CD33: variants seen among roughly 807,000 people sequenced by gnomAD.
CD33 encodes the protein CD33 molecule.
CD33 carries 25 observed loss-of-function variants against 31.4 expected under a neutral mutation model. The observed-to-expected ratio is 0.80, with a 90% CI of 0.58 to 1.11. CD33 has a LOEUF of 1.11. Among genes scored for constraint, CD33 ranks in the 50% most tolerant of loss-of-function variants. The pLI is 0.00. For missense variants in CD33, 407 were observed against 448.1 expected (o/e 0.91, Z 0.83); for synonymous variants, 176 against 180.6 (o/e 0.97, Z 0.20).
At chr19:51,225,719 G>T (rs1980957001) in intron 2 of CD33, 84 bp from the exon 3 acceptor site, 2 of 1,542,990 alleles carry the variant, frequency 1.3e-6, no homozygotes, top group Non-Finnish European at 1.8e-6. Context: ...CTTAGCGGGG[G>T]AGCTTGACCA....
At chr19:51,220,225 T>C (rs930673714), upstream of CD33, among the ~76,000 whole-genome samples, 1 of 152,246 alleles carries the variant, frequency 6.6e-6, no homozygotes, top group Non-Finnish European at 1.5e-5. Context: ...TTCTTCCTGA[T>C]TCAATCTTGG....
chr19:51,234,037 AT>A (rs141034398), intron 4 of CD33, among the ~76,000 whole-genome samples: 3,562 of 150,872 alleles, frequency 0.024, 148 homozygotes, highest in African/African-American at 0.078. Context: ...CAATGGGGGC[AT>A]TTTTTTTTAA....
chr19:51,227,340 T>C (rs1981108010), intron 4 of CD33, among the ~76,000 whole-genome samples: 1 of 152,206 alleles, frequency 6.6e-6, no homozygotes, highest in Admixed American at 6.5e-5. Context: ...TGGTCAAAAG[T>C]ATATAAGAGT....
In CD33 at chr19:51,225,209, TC is replaced by T. The variant is rs772608591; in HGVS notation, c.38-5del. The T allele has an allele frequency of 3.1e-6, 5 of 1,613,074 alleles. No homozygotes were observed. Among genetic ancestry groups the T allele is most frequent in the Non-Finnish European group, 3.4e-6 (4 of 1,179,450 alleles). ...GGGCTGGGCCGAGCTGACCCTCGTT[TC>T]CCCACAGGGGCCCTGGCTATGGATC... is the stretch of plus-strand genomic sequence containing the variant. On this transcript the variant is annotated splice_region_variant and splice_polypyrimidine_tract_variant and intron_variant, in intron 1 of 6. Coordinates refer to ENST00000262262, the MANE Select transcript of CD33 (RefSeq NM_001772.4).
At chr19:51,219,820 A>G in the CD33 span, among the ~76,000 whole-genome samples, 1 of 152,180 alleles carries the variant, frequency 6.6e-6, no homozygotes, top group African/African-American at 2.4e-5. Context: ...AATGTGATGA[A>G]TCACATTTAT....
rs1315616154 is a variant in CD33, at chr19:51,225,123, C to G, written c.5C>G (p.Pro2Arg). 5.0e-6 allele frequency: 8 copies of G among 1,613,978 alleles called. No homozygotes were observed. The African/African-American group carries it at 5.3e-5, about 11-fold the overall frequency. M[P>R]LLLLLPLLWA... ...CTGGAAGCTGCTTCCTCAGACATGC[C>G]GCTGCTGCTACTGCTGCCCCTGCTG... The change falls in exon 1 of 7, where the codon CCG (proline) becomes CGG (arginine). Residue 2 changes from proline to arginine, a missense_variant. By Grantham distance (103) the Pro-to-Arg change is moderately radical. Transcript: ENST00000262262.
chr19:51,233,251 T>G (rs1408264123), intron 4 of CD33, among the ~76,000 whole-genome samples: 2 of 152,228 alleles, frequency 1.3e-5, no homozygotes, highest in Non-Finnish European at 2.9e-5. Flanking sequence ...CAACTCTTTG[T>G]TGGCTCAGAG....
the CD33 span, chr19:51,211,226 CA>C: frequency 6.4e-7 from 1 of 1,569,106 alleles, no homozygotes; most frequent in Non-Finnish European, 8.6e-7. Context: ...GCTATGGATC[CA>C]AAAATCCGGC....
chr19:51,212,653 C>G, the CD33 span, among the ~76,000 whole-genome samples: 1 of 152,174 alleles, frequency 6.6e-6, no homozygotes, highest in South Asian at 2.1e-4. Flanking sequence ...CGCCTCCTGC[C>G]TCCTCTTTCT....
chr19:51,238,364 G>A (rs1371528106), intron 6 of CD33: 1 of 152,214 alleles, frequency 6.6e-6, no homozygotes, highest in East Asian at 1.9e-4. Flanking sequence ...GAGACACAGA[G>A]GTTGGGAGCT....
At chr19:51,217,042 A>C in the CD33 span, among the ~76,000 whole-genome samples, 2 of 152,214 alleles carry the variant, frequency 1.3e-5, no homozygotes, top group African/African-American at 4.8e-5. Flanking sequence ...AGGACACTGC[A>C]GACCACCTGG....
At position 51,226,038 on chromosome 19, in the gene CD33, A is replaced by T. The variant is rs1341011953; in HGVS notation, c.654A>T (p.Gly218=). The change falls in exon 3 of 7, where the codon GGA becomes GGT. Residue 218 remains glycine, a synonymous_variant. Transcript: ENST00000262262. ...TNLTCQVKFA[G]AGVTTERTIQ... is the part of the protein sequence containing the mutation. ...TGACCTGTCAGGTGAAGTTCGCTGG[A>T]GCTGGTGTGACTACGGAGAGAACCA... The T allele has an allele frequency of 6.2e-7, 1 of 1,614,022 alleles. No homozygotes were observed. Among genetic ancestry groups the T allele is most frequent in the Non-Finnish European group, 8.5e-7 (1 of 1,179,994 alleles).
chr19:51,228,930 A>G (rs1418785228), intron 4 of CD33, among the ~76,000 whole-genome samples: 1 of 152,204 alleles, frequency 6.6e-6, no homozygotes, highest in Non-Finnish European at 1.5e-5. Context: ...TAGGACTTTC[A>G]GTACTATGTA....
At chr19:51,212,928 T>A in the CD33 span, among the ~76,000 whole-genome samples, 1 of 152,200 alleles carries the variant, frequency 6.6e-6, no homozygotes, top group Admixed American at 6.5e-5. Context: ...TCTGTATAAA[T>A]CTTCTGCTCC....
At chr19:51,213,691 A>G in the CD33 span, among the ~76,000 whole-genome samples, 1 of 142,912 alleles carries the variant, frequency 7.0e-6, no homozygotes, top group South Asian at 2.2e-4. Context: ...CACCCACCAC[A>G]ATGCCTGGCT....
In CD33 at chr19:51,225,540, GGAGA is replaced by G; in HGVS notation, c.364_367del (p.Arg122GlufsTer16). 1 of 1,595,552 alleles carries G rather than the reference GGAGA, an allele frequency of 6.3e-7. No homozygotes were observed. The highest frequency in any genetic ancestry group is 8.5e-7 in the Non-Finnish European group (1 of 1,170,718). ...ATAATGGTTCATACTTCTTTCGGAT[GGAGA>G]GAGGAAGTACCAAATACAGTTACAA... On this transcript the variant is annotated frameshift_variant, in exon 2 of 7. Coordinates refer to ENST00000262262, the MANE Select transcript of CD33 (RefSeq NM_001772.4). LOFTEE classifies it high-confidence loss of function.
chr19:51,225,555 C>T lies in CD33; in HGVS notation c.375C>T (p.Thr125=), dbSNP rs1980941702. 1 of 1,581,660 alleles carries T rather than the reference C, an allele frequency of 6.3e-7. No individual in the cohort carries two copies. Among genetic ancestry groups the T allele is most frequent in the African/African-American group, 1.4e-5 (1 of 74,034 alleles). The change falls in exon 2 of 7, where the codon ACC becomes ACT. Residue 125 remains threonine (T), a synonymous_variant. Coordinates refer to ENST00000262262, the MANE Select transcript of CD33 (RefSeq NM_001772.4). ...TCTTTCGGATGGAGAGAGGAAGTAC[C>T]AAATACAGTTACAAATCTCCCCAGC... is the stretch of plus-strand genomic sequence containing the variant. ...SYFFRMERGS[T]KYSYKSPQLS... is the part of the protein sequence containing the mutation.
upstream of CD33, chr19:51,225,074 T>C: frequency 6.2e-7 from 1 of 1,612,226 alleles, no homozygotes; most frequent in East Asian, 2.2e-5. Flanking sequence ...ACTCCCTTCC[T>C]CTTTTCTGCT....
At position 51,225,313 on chromosome 19, in the gene CD33, C is replaced by T. The variant is rs774687296; in HGVS notation, c.133C>T (p.His45Tyr). The T allele has an allele frequency of 2.5e-6, 4 of 1,614,182 alleles. No individual in the cohort carries two copies. The East Asian group carries it at 6.7e-5, about 27-fold the overall frequency. The change falls in exon 2 of 7, where the codon CAT becomes TAT. Residue 45 changes from histidine (H) to tyrosine (Y), a missense_variant. By Grantham distance (83) the His-to-Tyr change is moderately conservative. Coordinates refer to ENST00000262262, the MANE Select transcript of CD33 (RefSeq NM_001772.4). The stretch of plus-strand genomic sequence containing the variant: ...CGTCCTCGTGCCCTGCACTTTCTTC[C>T]ATCCCATACCCTACTACGACAAGAA... ...LCVLVPCTFF[H>Y]PIPYYDKNSP...
Sources: allele counts gnomAD v4.1 joint callset (sites outside exome capture counted in the v4.1 genomes callset), GRCh38; gene constraint gnomAD v4.1.1; transcripts MANE v1.5; gene names NCBI Gene and HGNC (gene_info 2026-07-23, HGNC 2026-07-21).